SRGAP3: variants seen among roughly 807,000 people sequenced by gnomAD.
SRGAP3 encodes SLIT-ROBO Rho GTPase activating protein 3, also known as SLIT-ROBO Rho GTPase-activating protein 3.
In SRGAP3, 39 loss-of-function variants were observed where a neutral mutation model predicts 121.1. That is an observed-to-expected ratio of 0.32 (90% CI 0.25 to 0.42). The LOEUF (loss-of-function observed/expected upper bound fraction) is 0.42, where lower values mean the gene tolerates loss of function less well. Among genes scored for constraint, SRGAP3 ranks in the 10% least tolerant of loss-of-function variants. The pLI is 1.00. For missense variants in SRGAP3, 1,213 were observed against 1,470.6 expected (o/e 0.82, Z 2.86); for synonymous variants, 601 against 570.0 (o/e 1.05, Z -0.77).
At position 8,985,678 on chromosome 3, in the gene SRGAP3, C is replaced by G; in HGVS notation, c.3141G>C (p.Leu1047=). ...TTFKPALSAR[L]AGAQLRPPPM... is the part of the protein sequence containing the mutation. ...GGGGCGGGCGGAGCTGGGCGCCAGC[C>G]AGGCGGGCGGACAGGGCTGGCTTGA... is the stretch of plus-strand genomic sequence containing the variant. Residue 1047 remains leucine, a synonymous_variant, in exon 22 of 22, where the codon CTG becomes CTC. Coordinates refer to ENST00000383836, the MANE Select transcript of SRGAP3 (RefSeq NM_014850.4). This position sits in a 1 kb window ranked among gnomAD's most constrained non-coding sequence, Gnocchi z 5.1. The G allele has an allele frequency of 6.3e-7, 1 of 1,595,770 alleles. No homozygotes were observed. Among genetic ancestry groups the G allele is most frequent in the East Asian group, 2.2e-5 (1 of 44,702 alleles).
At chr3:9,069,658 G>C (rs181356293) in intron 4 of SRGAP3, among the ~76,000 whole-genome samples, 1 of 152,330 alleles carries the variant, frequency 6.6e-6, no homozygotes, top group African/African-American at 2.4e-5. Context: ...CTCAAAAGTA[G>C]CAAGAGCGGG....
At chr3:9,085,785 A>G (rs1947438527) in intron 3 of SRGAP3, among the ~76,000 whole-genome samples, 1 of 152,214 alleles carries the variant, frequency 6.6e-6, no homozygotes, top group Admixed American at 6.5e-5. Flanking sequence ...ACATACAGGG[A>G]AAAACACACA....
rs897590412 is a variant in SRGAP3 at position 9,259,269 on chromosome 3, G to T, written n.442+66741C>A. Among the ~76,000 whole-genome samples, 3 of 151,986 alleles carry T rather than the reference G, an allele frequency of 2.0e-5. 1 individual carries two copies. The highest frequency in any genetic ancestry group is 7.3e-5 in the African/African-American group (3 of 41,370). On this transcript the variant is annotated intron_variant and non_coding_transcript_variant, in intron 3 of 3. Transcript: ENST00000490889. ...TTATCTTATTTACCTACTTTGGTGG[G>T]GAGTGGGTAATTTTTTCTTTTTTTT... is the stretch of plus-strand genomic sequence containing the variant.
intron 1 of SRGAP3, among the ~76,000 whole-genome samples, chr3:9,127,472 G>A (rs1319395628): frequency 6.6e-6 from 1 of 152,274 alleles, no homozygotes; most frequent in South Asian, 2.1e-4. Flanking sequence ...GTTTTGAGAC[G>A]GAGTCTCGCT....
intron 1 of SRGAP3, among the ~76,000 whole-genome samples, chr3:9,242,077 CAAAAAAAAAA>C (rs142186507): frequency 5.8e-5 from 4 of 68,518 alleles, no homozygotes; most frequent in Admixed American, 1.6e-4. Flanking sequence ...CACCCTAATT[CAAAAAAAAAA>C]AAAAAAAAAA....
At chr3:8,995,471 G>C (rs1942342930) in intron 18 of SRGAP3, among the ~76,000 whole-genome samples, 1 of 152,158 alleles carries the variant, frequency 6.6e-6, no homozygotes, top group Admixed American at 6.5e-5. Flanking sequence ...GCAAGACCCT[G>C]TCTCAAAACA....
chr3:9,177,887 C>T (rs1457312525), intron 1 of SRGAP3, among the ~76,000 whole-genome samples: 1 of 152,156 alleles, frequency 6.6e-6, no homozygotes, highest in Non-Finnish European at 1.5e-5. Context: ...GACACACAAC[C>T]AAGCAGGACC....
chr3:9,329,500 G>A (rs1229549535), intron 2 of SRGAP3, among the ~76,000 whole-genome samples: 1 of 152,164 alleles, frequency 6.6e-6, no homozygotes, highest in African/African-American at 2.4e-5. Context: ...GCTTACATTT[G>A]CCCTCAGATG....
chr3:9,281,870 G>A (rs1185254246), intron 3 of SRGAP3, among the ~76,000 whole-genome samples: 5 of 151,958 alleles, frequency 3.3e-5, no homozygotes, highest in South Asian at 2.1e-4. Flanking sequence ...ACAGGGTTTC[G>A]CTATGTTGGC....
intron 1 of SRGAP3, among the ~76,000 whole-genome samples, chr3:9,178,832 C>T (rs1337921734): frequency 1.3e-5 from 2 of 152,216 alleles, no homozygotes; most frequent in African/African-American, 2.4e-5. Flanking sequence ...TTGTTCCGCC[C>T]TAGACCCGGA....
chr3:9,206,249 C>G (rs1430741952), intron 1 of SRGAP3, among the ~76,000 whole-genome samples: 1 of 152,202 alleles, frequency 6.6e-6, no homozygotes, highest in Non-Finnish European at 1.5e-5. Flanking sequence ...ATTTAACCCT[C>G]ACAACAAACC....
intron 15 of SRGAP3, chr3:9,014,729 A>G (rs1943547736): frequency 6.6e-6 from 1 of 152,188 alleles, no homozygotes; most frequent in Admixed American, 6.5e-5. Context: ...AATAAAAAAG[A>G]GCTCAAACCT....
intron 12 of SRGAP3, among the ~76,000 whole-genome samples, chr3:9,029,358 A>G (rs1944366696): frequency 6.6e-6 from 1 of 152,180 alleles, no homozygotes; most frequent in African/African-American, 2.4e-5. Context: ...CTGGGCTTCA[A>G]AATTGGCTCT....
chr3:9,252,279 G>A (rs551109997), upstream of SRGAP3, among the ~76,000 whole-genome samples: 3 of 152,224 alleles, frequency 2.0e-5, no homozygotes, highest in African/African-American at 7.2e-5. Flanking sequence ...ATAGCCTGCA[G>A]AACCATGAGC....
At position 9,010,403 on chromosome 3, in the gene SRGAP3, G is replaced by A. The variant is rs755708621; in HGVS notation, c.2148-16C>T. The A allele has an allele frequency of 5.0e-6, 8 of 1,613,908 alleles. No individual in the cohort carries two copies. The highest frequency in any genetic ancestry group is 6.8e-6 in the Non-Finnish European group (8 of 1,179,992). On this transcript the variant is annotated splice_polypyrimidine_tract_variant and intron_variant, in intron 17 of 21. Coordinates refer to ENST00000383836, the MANE Select transcript of SRGAP3 (RefSeq NM_014850.4). ...TGGGCTGTCACTGCAAGGAAACACG[G>A]GAATGGGACTCACTGCGGGGGGTTA...
At chr3:9,231,801 C>G (rs1953220005) in intron 1 of SRGAP3, among the ~76,000 whole-genome samples, 1 of 152,164 alleles carries the variant, frequency 6.6e-6, no homozygotes, top group African/African-American at 2.4e-5. Context: ...TTTACTTTCT[C>G]ACACACCACC....
chr3:9,273,317 T>C (rs1954515195), intron 3 of SRGAP3, among the ~76,000 whole-genome samples: 1 of 152,178 alleles, frequency 6.6e-6, no homozygotes. Flanking sequence ...TGTCTTATTG[T>C]GGTTTTAATT....
chr3:9,098,791 T>C (rs537301659), intron 3 of SRGAP3, among the ~76,000 whole-genome samples: 3 of 152,356 alleles, frequency 2.0e-5, no homozygotes, highest in African/African-American at 7.2e-5. Context: ...TCTATAATTA[T>C]TGTTTACCTA....
rs1373385262 is a variant in SRGAP3, at chr3:9,093,404, T to A, written c.423+11276A>T. On this transcript the variant is annotated intron_variant, in intron 3 of 21. Coordinates refer to ENST00000383836, the MANE Select transcript of SRGAP3 (RefSeq NM_014850.4). ...ATCCACTCATATACTCACCCACCCA[T>A]CCATTTATCCATCCACCCATCTATC... Among the ~76,000 whole-genome samples, 3 of 152,074 alleles carry A rather than the reference T, an allele frequency of 2.0e-5. 1 individual carries two copies. Among genetic ancestry groups the A allele is most frequent in the Admixed American group, 2.0e-4 (3 of 15,260 alleles).
Sources: allele counts gnomAD v4.1 joint callset (sites outside exome capture counted in the v4.1 genomes callset), GRCh38; gene constraint gnomAD v4.1.1; non-coding constraint Gnocchi (gnomAD v3.1); transcripts MANE v1.5; gene names NCBI Gene and HGNC (gene_info 2026-07-23, HGNC 2026-07-21).